ASZ1: variants seen among roughly 807,000 people sequenced by gnomAD.
ASZ1 encodes ankyrin repeat, SAM and basic leucine zipper domain-containing protein 1.
In ASZ1, 67 loss-of-function variants were observed where a neutral mutation model predicts 61.8. That is an observed-to-expected ratio of 1.08 (90% confidence interval 0.89 to 1.33). The LOEUF (loss-of-function observed/expected upper bound fraction) is 1.33, where lower values mean the gene tolerates loss of function less well. Ranked by LOEUF, ASZ1 falls within the 40% of genes most tolerant of loss-of-function variation. The pLI, the probability that ASZ1 is intolerant of heterozygous loss-of-function variation, is 0.00. For missense variants in ASZ1, 577 were observed against 554.5 expected, an observed-to-expected ratio of 1.04 and a Z score of -0.41; for synonymous variants, 193 against 192.7, an observed-to-expected ratio of 1.00 and a Z score of -0.01.
At chr7:117,415,348 T>C (rs1033461887) in intron 4 of ASZ1, among the ~76,000 whole-genome samples, 1 of 152,234 alleles carries the variant, frequency 6.6e-6, no homozygotes, top group African/African-American at 2.4e-5. Flanking sequence ...TCATCTTTTG[T>C]CCGGCATATC....
chr7:117,407,870 G>C (rs1215235321), intron 4 of ASZ1, among the ~76,000 whole-genome samples: 1 of 152,154 alleles, frequency 6.6e-6, no homozygotes, highest in African/African-American at 2.4e-5. Context: ...CAATGTCAAT[G>C]GTTGGATGTC....
At chr7:117,365,019 C>T (rs1488529770) in intron 12 of ASZ1, among the ~76,000 whole-genome samples, 1 of 152,022 alleles carries the variant, frequency 6.6e-6, no homozygotes, top group Non-Finnish European at 1.5e-5. Flanking sequence ...AAAAAAAATC[C>T]CTTCAATTAT....
intron 8 of ASZ1, 117 bp downstream of exon 8, chr7:117,381,952 G>T: frequency 6.0e-6 from 4 of 669,268 alleles, no homozygotes; most frequent in East Asian, 2.8e-5. Flanking sequence ...TACAAATTAT[G>T]GTGAAAAGTA....
intron 4 of ASZ1, among the ~76,000 whole-genome samples, chr7:117,408,476 T>C (rs1193172238): frequency 1.3e-5 from 2 of 152,096 alleles, no homozygotes; most frequent in South Asian, 2.1e-4. Flanking sequence ...CACCCAACCA[T>C]TGCCAAATCA....
chr7:117,427,428 C>T lies in ASZ1; in HGVS notation c.33G>A (p.Val11=), dbSNP rs1312538865. ...TCTCGCTACTCTCGCCTCCGCCAGCCACTGGCAGGCCTCGCAGCGCGCTCG... is the reference window on the plus strand; with the variant it reads ...TCTCGCTACTCTCGCCTCCGCCAGCTACTGGCAGGCCTCGCAGCGCGCTCG... MAASALRGLP[V]AGGGESSESE... Residue 11 remains valine, a synonymous_variant, in exon 1 of 13, where the codon GTG becomes GTA. Transcript: ENST00000284629. 2 of 1,614,110 alleles carry T rather than the reference C, an allele frequency of 1.2e-6. No homozygotes were observed. Among genetic ancestry groups the T allele is most frequent in the Middle Eastern group, 1.6e-4 (1 of 6,062 alleles).
At chr7:117,385,657 A>G (rs1166464381) in intron 5 of ASZ1, 41 bp downstream of exon 5, 1 of 1,474,370 alleles carries the variant, frequency 6.8e-7, no homozygotes, top group Non-Finnish European at 9.4e-7. Flanking sequence ...ATTACTGATA[A>G]TAACAGAAAC....
At chr7:117,373,444 TTGTAAC>T (rs1424854565) in intron 10 of ASZ1, among the ~76,000 whole-genome samples, 1 of 152,204 alleles carries the variant, frequency 6.6e-6, no homozygotes, top group African/African-American at 2.4e-5. Context: ...GTATGCATTG[TTGTAAC>T]AGATTATTTT....
intron 2 of ASZ1, among the ~76,000 whole-genome samples, chr7:117,424,703 C>T (rs966996387): frequency 1.3e-5 from 2 of 152,158 alleles, no homozygotes; most frequent in South Asian, 4.1e-4. Flanking sequence ...TTTTCTAAAA[C>T]AAATCTCTGC....
At chr7:117,394,829 CAAAT>C (rs1179477174) in intron 4 of ASZ1, among the ~76,000 whole-genome samples, 1 of 152,238 alleles carries the variant, frequency 6.6e-6, no homozygotes, top group Admixed American at 6.5e-5. Context: ...CTCTTCTACA[CAAAT>C]ACTTAGTTTT....
At chr7:117,373,133 C>T (rs1035712633) in intron 10 of ASZ1, among the ~76,000 whole-genome samples, 3 of 152,092 alleles carry the variant, frequency 2.0e-5, no homozygotes, top group Non-Finnish European at 2.9e-5. Flanking sequence ...TTAGCTCAGA[C>T]AAAGAGTCTA....
At chr7:117,413,666 G>T (rs1796939132) in intron 4 of ASZ1, among the ~76,000 whole-genome samples, 1 of 151,736 alleles carries the variant, frequency 6.6e-6, no homozygotes, top group Admixed American at 6.6e-5. Flanking sequence ...AAAAATAAAA[G>T]AAAATAAAGA....
intron 8 of ASZ1, among the ~76,000 whole-genome samples, chr7:117,381,622 G>A (rs964308885): frequency 1.3e-5 from 2 of 152,022 alleles, no homozygotes; most frequent in Non-Finnish European, 2.9e-5. Context: ...ACAGTGCTTG[G>A]CATATGATCT....
At chr7:117,378,212 A>C (rs979912166) in intron 10 of ASZ1, among the ~76,000 whole-genome samples, 1 of 152,136 alleles carries the variant, frequency 6.6e-6, no homozygotes, top group African/African-American at 2.4e-5. Flanking sequence ...ATCAAAATAA[A>C]AGTTTCTGCT....
At chr7:117,366,270 GA>G (rs79056666) in intron 12 of ASZ1, among the ~76,000 whole-genome samples, 7 of 139,666 alleles carry the variant, frequency 5.0e-5, no homozygotes, top group East Asian at 2.1e-4. Context: ...TATCAAAAAA[GA>G]AAAAAAAAAG....
chr7:117,420,116 A>C (rs777566697), intron 4 of ASZ1, 47 bp downstream of exon 4: 1 of 1,438,404 alleles, frequency 7.0e-7, no homozygotes, highest in East Asian at 2.3e-5. Context: ...ATACCAAAGA[A>C]AAATTCTAAT....
intron 10 of ASZ1, among the ~76,000 whole-genome samples, chr7:117,378,956 T>C (rs1372047168): frequency 6.6e-6 from 1 of 151,588 alleles, no homozygotes; most frequent in Admixed American, 6.6e-5. Context: ...TGTATGATTC[T>C]ATTTATATAA....
chr7:117,388,668 A>G (rs1796404904), intron 4 of ASZ1, among the ~76,000 whole-genome samples: 1 of 152,194 alleles, frequency 6.6e-6, no homozygotes, highest in Admixed American at 6.5e-5. Context: ...ATCTATGGAA[A>G]ATTTACAGTT....
intron 4 of ASZ1, among the ~76,000 whole-genome samples, chr7:117,406,448 C>G (rs2116510938): frequency 6.6e-6 from 1 of 152,158 alleles, no homozygotes; most frequent in Non-Finnish European, 1.5e-5. Context: ...GATAGCAATA[C>G]TAAAATGCTA....
chr7:117,419,026 A>G (rs1457671710), intron 4 of ASZ1, among the ~76,000 whole-genome samples: 1 of 152,080 alleles, frequency 6.6e-6, no homozygotes, highest in African/African-American at 2.4e-5. Context: ...TTAAATATTA[A>G]TTATCCACTC....
Sources: gnomAD v4.1 joint callset for allele counts (sites outside exome capture counted in the v4.1 genomes callset) on GRCh38, gnomAD v4.1.1 for gene constraint, MANE v1.5 for transcripts, NCBI Gene and HGNC (gene_info 2026-07-23, HGNC 2026-07-21) for gene names.